The following CDKL2 variants were observed in gnomAD, a reference collection of about 807,000 sequenced individuals.
CDKL2 encodes the protein cyclin dependent kinase like 2, also known as cyclin-dependent kinase-like 2.
A neutral mutation model predicts 63.9 loss-of-function variants in CDKL2; 64 were observed. The observed-to-expected ratio is 1.00, with a 90% CI of 0.82 to 1.23. CDKL2 has a LOEUF of 1.23. Ranked by LOEUF, CDKL2 falls within the 50% of genes most tolerant of loss-of-function variation. The probability of loss-of-function intolerance (pLI) is 0.00; values close to 1 mark genes in which losing one functional copy is unlikely to be tolerated. For synonymous variants in CDKL2, 211 were observed against 229.2 expected, an observed-to-expected ratio of 0.92 and a Z score of 0.72; for missense variants, 656 against 668.0, an observed-to-expected ratio of 0.98 and a Z score of 0.20.
Position 75,603,929 on chromosome 4 carries a change from A to C in CDKL2, c.683T>G (p.Leu228Arg), listed in dbSNP as rs760585519. 1 of 1,611,556 alleles carries C rather than the reference A, an allele frequency of 6.2e-7. No individual in the cohort carries two copies. Among genetic ancestry groups the C allele is most frequent in the Non-Finnish European group, 8.5e-7 (1 of 1,179,392 alleles). Residue 228 changes from leucine to arginine, a missense_variant, in exon 6 of 14, where the codon CTT becomes CGT. Leu to Arg is a moderately radical substitution (Grantham distance 102, BLOSUM62 -2). Transcript: ENST00000307465. ...AGCAAACACAGGATTTTTATTAAAA[A>C]GCTCCTGATGCCTTGGAATTAGATT... ...LGNLIPRHQE[L>R]FNKNPVFAGV...
chr4:75,610,210 A>G (rs1020599117), intron 3 of CDKL2, among the ~76,000 whole-genome samples: 2 of 151,794 alleles, frequency 1.3e-5, no homozygotes, highest in Non-Finnish European at 2.9e-5. Context: ...CTCAAAAAAA[A>G]AAAGAAAAAG....
chr4:75,595,526 G>A (rs1375676941), intron 10 of CDKL2, among the ~76,000 whole-genome samples: 1 of 151,794 alleles, frequency 6.6e-6, no homozygotes, highest in Non-Finnish European at 1.5e-5. Context: ...ATAGAATACA[G>A]CCACCAAAAA....
chr4:75,584,463 C>T (rs1728386197), intron 12 of CDKL2, among the ~76,000 whole-genome samples: 1 of 152,184 alleles, frequency 6.6e-6, no homozygotes, highest in South Asian at 2.1e-4. Flanking sequence ...AATAATGCAG[C>T]CCTGCAGACA....
chr4:75,618,321 G>C (rs1020252843), intron 2 of CDKL2, among the ~76,000 whole-genome samples: 3 of 114,594 alleles, frequency 2.6e-5, no homozygotes, highest in African/African-American at 1.0e-4. Context: ...GCGCGATCTC[G>C]GCTCATCGCA....
At position 75,600,278 on chromosome 4, in the gene CDKL2, T is replaced by C. The variant is rs55750224; in HGVS notation, c.884+3A>G. On this transcript the variant is annotated splice_donor_region_variant and intron_variant, in intron 7 of 13. Transcript: ENST00000307465. ...GCCTGAAAAACATGGGTAAGTACTA[T>C]ACCTCTCAGCAAATCCATCCATTTG... The C allele has an allele frequency of 7.6e-3, 12,238 of 1,603,856 alleles. 64 individuals are homozygous for C. Among genetic ancestry groups the C allele is most frequent in the Admixed American group, 9.9e-3 (589 of 59,724 alleles).
chr4:75,606,235 G>A (rs1394526784), intron 4 of CDKL2, among the ~76,000 whole-genome samples: 1 of 130,274 alleles, frequency 7.7e-6, no homozygotes, highest in Non-Finnish European at 1.6e-5. Context: ...TTTTTCTTGA[G>A]ACAGAATCTC....
At chr4:75,596,912 G>T (rs924954819) in intron 9 of CDKL2, 23 bp downstream of exon 9, 60 of 1,569,182 alleles carry the variant, frequency 3.8e-5, no homozygotes, top group Admixed American at 3.4e-4. Flanking sequence ...ACACTTTTTT[G>T]ATCTTATTTT....
At chr4:75,591,593 T>C (rs952595889) in intron 12 of CDKL2, among the ~76,000 whole-genome samples, 2 of 152,210 alleles carry the variant, frequency 1.3e-5, no homozygotes, top group Admixed American at 1.3e-4. Context: ...TGAGACCATG[T>C]CTCTAAAAAA....
Position 75,614,466 on chromosome 4 carries a change from C to T in CDKL2, c.169-17G>A. ...CCTAAGTTGCTGTTATTAAAAAATG[C>T]AAAATAGCTGTTATTTAAAAATGCA... On this transcript the variant is annotated splice_polypyrimidine_tract_variant and intron_variant, in intron 2 of 13. Transcript: ENST00000307465. 2 of 1,495,506 alleles carry T rather than the reference C, an allele frequency of 1.3e-6. No individual in the cohort carries two copies. The highest frequency in any genetic ancestry group is 1.8e-6 in the Non-Finnish European group (2 of 1,107,880). The allele number at this position is 1,495,506 out of a possible 1,614,324, so 92.6% of individuals were successfully genotyped here.
At chr4:75,580,764 G>T (rs559475637) in intron 13 of CDKL2, among the ~76,000 whole-genome samples, 1 of 144,322 alleles carries the variant, frequency 6.9e-6, no homozygotes, top group Non-Finnish European at 1.5e-5. Flanking sequence ...GCAGTGGCGC[G>T]ATCTCGGCTC....
In CDKL2 at chr4:75,577,483, A is replaced by G. The variant is rs1277088148; in HGVS notation, c.*1719T>C. ...TAATAGGCAAAAGATATCAAAAGCT[A>G]GTATAAAAACTGCAAGGCAATTGAT... is the stretch of plus-strand genomic sequence containing the variant. On this transcript the variant is annotated 3_prime_UTR_variant, in exon 14 of 14. Coordinates refer to ENST00000307465, the MANE Select transcript of CDKL2 (RefSeq NM_001330724.2). 6.6e-6 allele frequency among the ~76,000 whole-genome samples: 1 copy of G among 152,184 alleles called. No individual in the cohort carries two copies. Among genetic ancestry groups the G allele is most frequent in the Non-Finnish European group, 1.5e-5 (1 of 68,024 alleles).
chr4:75,588,214 CAAA>C (rs35209743), intron 12 of CDKL2, among the ~76,000 whole-genome samples: 5 of 80,586 alleles, frequency 6.2e-5, no homozygotes, highest in Non-Finnish European at 2.7e-5. Context: ...AACTCAGTCT[CAAA>C]AAAAAAAAAA....
chr4:75,587,675 G>A (rs541360251), intron 12 of CDKL2, among the ~76,000 whole-genome samples: 184 of 149,944 alleles, frequency 1.2e-3, no homozygotes, highest in African/African-American at 4.3e-3. Context: ...AGGCCGAGAC[G>A]GGCGGATCAC....
Position 75,594,261 on chromosome 4 carries a change from G to A in CDKL2, c.1416+1986C>T, listed in dbSNP as rs964330240. Among the ~76,000 whole-genome samples the A allele has an allele frequency of 5.3e-5, 8 of 151,918 alleles. No homozygotes were observed. In the East Asian group the frequency reaches 7.8e-4, roughly 15 times the overall value. On this transcript the variant is annotated intron_variant, in intron 10 of 13. Coordinates refer to ENST00000307465, the MANE Select transcript of CDKL2 (RefSeq NM_001330724.2). ...TCAGGAGTTCGAAACCAGCCTGGCC[G>A]ACATGGAGAAACCCCGCCTCTACTA...
chr4:75,618,105 A>AG (rs1300018188), intron 2 of CDKL2, among the ~76,000 whole-genome samples: 1 of 150,188 alleles, frequency 6.7e-6, no homozygotes, highest in African/African-American at 2.4e-5. Flanking sequence ...TGTCTCAAAA[A>AG]AAAAAAAAAA....
Position 75,597,101 on chromosome 4 carries a change from T to G in CDKL2, c.1156A>C (p.Asn386His). 1.2e-6 allele frequency: 2 copies of G among 1,614,220 alleles called. No individual in the cohort carries two copies. The highest frequency in any genetic ancestry group is 1.7e-6 in the Non-Finnish European group (2 of 1,180,042). ...SCLHDSRTSH[N>H]KIVPSTSLKD... ...AGGCTTGTTGAAGGCACTATTTTGT[T>G]GTGGCTTGTCCTACTGTCATGGAGA... The change falls in exon 9 of 14, where the codon AAC (asparagine) becomes CAC (histidine). Residue 386 changes from asparagine to histidine, a missense_variant. Asn to His is a moderately conservative substitution (Grantham distance 68). Transcript: ENST00000307465.
intron 8 of CDKL2, among the ~76,000 whole-genome samples, chr4:75,597,577 C>CT (rs1729000159): frequency 6.6e-6 from 1 of 152,146 alleles, no homozygotes; most frequent in Non-Finnish European, 1.5e-5. Flanking sequence ...ACTGATAACT[C>CT]TTTCTTCTTT....
chr4:75,590,017 C>T (rs1168065243), intron 12 of CDKL2, among the ~76,000 whole-genome samples: 1 of 150,300 alleles, frequency 6.7e-6, no homozygotes. Context: ...TACAGTGGCT[C>T]ATAGCCAGGT....
At chr4:75,610,773 C>T (rs1014621362) in intron 3 of CDKL2, among the ~76,000 whole-genome samples, 1 of 151,986 alleles carries the variant, frequency 6.6e-6, no homozygotes, top group Admixed American at 6.6e-5. Flanking sequence ...AATAAATGTT[C>T]TCATTTTCTT....
Sources: allele counts gnomAD v4.1 joint callset (sites outside exome capture counted in the v4.1 genomes callset), GRCh38; gene constraint gnomAD v4.1.1; transcripts MANE v1.5; gene names NCBI Gene and HGNC (gene_info 2026-07-23, HGNC 2026-07-21).